The following GMPR variants were observed in gnomAD, a reference collection of about 807,000 sequenced individuals.
GMPR encodes GMP reductase 1.
GMPR carries 31 observed loss-of-function variants against 38.4 expected under a neutral mutation model. The observed-to-expected ratio is 0.81, with a 90% CI of 0.61 to 1.09. GMPR has a LOEUF of 1.09. Among genes scored for constraint, GMPR ranks in the 50% least tolerant of loss-of-function variants. The pLI is 0.00. For synonymous variants in GMPR, 162 were observed against 173.3 expected (o/e 0.93, Z 0.51); for missense variants, 468 against 453.7 (o/e 1.03, Z -0.29).
chr6:16,249,458 C>G (rs938641590), intron 2 of GMPR, among the ~76,000 whole-genome samples: 1 of 152,150 alleles, frequency 6.6e-6, no homozygotes, highest in African/African-American at 2.4e-5. Context: ...GAATGTGCCA[C>G]CACGCTTAGC....
At chr6:16,285,718 G>A (rs1338881432) in intron 6 of GMPR, 75 bp from the exon 7 acceptor site, 15 of 1,234,682 alleles carry the variant, frequency 1.2e-5, no homozygotes, top group Non-Finnish European at 1.8e-5. Flanking sequence ...CAGTCACTAG[G>A]TCATCTGGGG....
At chr6:16,293,672 C>T (rs1278350943) in intron 8 of GMPR, among the ~76,000 whole-genome samples, 3 of 152,180 alleles carry the variant, frequency 2.0e-5, no homozygotes, top group Admixed American at 6.5e-5. Context: ...GTGGCAGGCA[C>T]CTGTAATCCC....
At chr6:16,289,059 C>G (rs924712868) in intron 7 of GMPR, among the ~76,000 whole-genome samples, 3 of 152,156 alleles carry the variant, frequency 2.0e-5, no homozygotes, top group South Asian at 4.1e-4. Context: ...GGCTCCTTTT[C>G]TTTGGGAGGG....
At chr6:16,253,161 A>G (rs1758907663) in intron 3 of GMPR, among the ~76,000 whole-genome samples, 1 of 152,240 alleles carries the variant, frequency 6.6e-6, no homozygotes, top group Non-Finnish European at 1.5e-5. Context: ...TGGTGGCTTC[A>G]GATTTAAACA....
At chr6:16,267,933 C>T (rs1276444639) in intron 4 of GMPR, among the ~76,000 whole-genome samples, 2 of 152,240 alleles carry the variant, frequency 1.3e-5, no homozygotes, top group Non-Finnish European at 2.9e-5. Flanking sequence ...ACTGATGGCT[C>T]ATTGGCCTGC....
chr6:16,263,919 C>T (rs1178093825), intron 4 of GMPR, among the ~76,000 whole-genome samples: 1 of 151,196 alleles, frequency 6.6e-6, no homozygotes, highest in Non-Finnish European at 1.5e-5. Flanking sequence ...GGACTTGCCG[C>T]TAAGTGTGAA....
chr6:16,272,995 A>G (rs34208724), intron 4 of GMPR, among the ~76,000 whole-genome samples: 9,291 of 152,152 alleles, frequency 0.061, 370 homozygotes, highest in Middle Eastern at 0.1. Context: ...CAGCTCTGTC[A>G]TTATGTTTTT....
chr6:16,272,439 C>T lies in GMPR; in HGVS notation c.466-1976C>T, dbSNP rs527742776. On this transcript the variant is annotated intron_variant, in intron 4 of 8. Coordinates refer to ENST00000259727, the MANE Select transcript of GMPR (RefSeq NM_006877.4). ...TGCATATTTCTTTTATATGGACAAA[C>T]GGCTTTCTGGGAAAACTCATACTAC... Among the ~76,000 whole-genome samples the T allele has an allele frequency of 1.7e-3, 266 of 152,228 alleles. 4 individuals carry two copies. Among genetic ancestry groups the T allele is most frequent in the African/African-American group, 6.0e-3 (249 of 41,568 alleles).
At chr6:16,257,233 G>T (rs1353342252) in intron 4 of GMPR, among the ~76,000 whole-genome samples, 1 of 152,112 alleles carries the variant, frequency 6.6e-6, no homozygotes, top group Admixed American at 6.5e-5. Context: ...ACGTCTACAT[G>T]CCTGGAGGGT....
At chr6:16,258,003 C>A (rs1040403121) in intron 4 of GMPR, 12 of 152,334 alleles carry the variant, frequency 7.9e-5, no homozygotes, top group Middle Eastern at 3.4e-3. Context: ...CTTTCTGAAT[C>A]TCACTTTCCT....
At chr6:16,267,376 CAA>C (rs149076342) in intron 4 of GMPR, among the ~76,000 whole-genome samples, 11,474 of 151,204 alleles carry the variant, frequency 0.076, 455 homozygotes, top group Middle Eastern at 0.089. Context: ...TCTCAAAAAA[CAA>C]AGAGCTGTAA....
chr6:16,288,619 C>T (rs1392110895), intron 7 of GMPR, among the ~76,000 whole-genome samples: 1 of 152,236 alleles, frequency 6.6e-6, no homozygotes, highest in East Asian at 1.9e-4. Flanking sequence ...TCCCGTCAAC[C>T]ATGCAAGGGC....
chr6:16,261,298 A>C (rs1380728813), intron 4 of GMPR, among the ~76,000 whole-genome samples: 1 of 152,016 alleles, frequency 6.6e-6, no homozygotes, highest in Non-Finnish European at 1.5e-5. Flanking sequence ...ATGCTTAGAT[A>C]GGTAACAGAT....
intron 3 of GMPR, 29 bp downstream of exon 3, chr6:16,250,396 C>G (rs1289305016): frequency 1.6e-6 from 2 of 1,272,116 alleles, no homozygotes; most frequent in South Asian, 1.2e-5. Context: ...TATCAATTAC[C>G]AGTGCTGCAG....
At chr6:16,287,759 C>G (rs771975742) in intron 7 of GMPR, among the ~76,000 whole-genome samples, 8 of 152,148 alleles carry the variant, frequency 5.3e-5, no homozygotes, top group Non-Finnish European at 1.2e-4. Flanking sequence ...GTTAGGAACC[C>G]TGAAAGGGGA....
intron 2 of GMPR, among the ~76,000 whole-genome samples, chr6:16,250,080 G>T (rs1178828390): frequency 1.3e-5 from 2 of 152,316 alleles, no homozygotes; most frequent in Middle Eastern, 3.4e-3. Context: ...TGTCTAACCA[G>T]ATTAGAATGG....
chr6:16,267,468 A>ACG (rs991378553), intron 4 of GMPR, among the ~76,000 whole-genome samples: 2 of 151,740 alleles, frequency 1.3e-5, no homozygotes, highest in Non-Finnish European at 2.9e-5. Flanking sequence ...ACAACTCCGG[A>ACG]CGGTGCCACT....
intron 4 of GMPR, among the ~76,000 whole-genome samples, chr6:16,273,906 C>T (rs1759431344): frequency 6.6e-6 from 1 of 150,424 alleles, no homozygotes; most frequent in Non-Finnish European, 1.5e-5. Context: ...GCCTCTGCCT[C>T]CCGGGTTCAA....
intron 7 of GMPR, among the ~76,000 whole-genome samples, chr6:16,288,559 G>A (rs896607304): frequency 6.6e-6 from 1 of 152,200 alleles, no homozygotes; most frequent in African/African-American, 2.4e-5. Flanking sequence ...GGGCTCCTGT[G>A]CGGCGGGAGC....
Sources: gnomAD v4.1 joint callset for allele counts (sites outside exome capture counted in the v4.1 genomes callset) on GRCh38, gnomAD v4.1.1 for gene constraint, MANE v1.5 for transcripts, NCBI Gene and HGNC (gene_info 2026-07-23, HGNC 2026-07-21) for gene names.